The following PPME1 variants were observed in gnomAD, a reference collection of about 807,000 sequenced individuals.
The protein encoded by PPME1 is protein phosphatase methylesterase 1, also known as testicular secretory protein Li 39.
A neutral mutation model predicts 56.9 loss-of-function variants in PPME1; 17 were observed. That is an observed-to-expected ratio of 0.30 (90% CI 0.20 to 0.45). The LOEUF (loss-of-function observed/expected upper bound fraction) is 0.45, where lower values mean the gene tolerates loss of function less well. Ranked by LOEUF, PPME1 falls within the 20% of genes least tolerant of loss-of-function variation. PPME1 has a pLI of 1.00. For missense variants in PPME1, 357 were observed against 483.2 expected, an observed-to-expected ratio of 0.74 and a Z score of 2.45; for synonymous variants, 122 against 156.2, an observed-to-expected ratio of 0.78 and a Z score of 1.63.
intron 11 of PPME1, chr11:74,248,712 A>G (rs1565397252): frequency 6.6e-6 from 1 of 152,234 alleles, no homozygotes; most frequent in Non-Finnish European, 1.5e-5. Context: ...ATGAAATTGA[A>G]TCTAAGACAC....
At chr11:74,222,928 A>C (rs1227671404) in intron 4 of PPME1, among the ~76,000 whole-genome samples, 1 of 149,950 alleles carries the variant, frequency 6.7e-6, no homozygotes, top group Non-Finnish European at 1.5e-5. Flanking sequence ...TTAAAGTCAA[A>C]TTCTTTTTTT....
chr11:74,246,237 C>T, intron 10 of PPME1, 32 bp downstream of exon 10: 1 of 1,519,352 alleles, frequency 6.6e-7, no homozygotes, highest in Non-Finnish European at 8.9e-7. Flanking sequence ...TTAGTCAGCT[C>T]AGGCTGCCAT....
intron 5 of PPME1, among the ~76,000 whole-genome samples, chr11:74,227,496 G>T (rs1858961433): frequency 6.6e-6 from 1 of 151,746 alleles, no homozygotes; most frequent in Non-Finnish European, 1.5e-5. Context: ...CCTCAAAATG[G>T]GCATACTTAT....
At chr11:74,217,083 A>G (rs1858666533) in intron 3 of PPME1, among the ~76,000 whole-genome samples, 1 of 152,224 alleles carries the variant, frequency 6.6e-6, no homozygotes, top group African/African-American at 2.4e-5. Context: ...ATTCTGAAAA[A>G]TAGAGGAGGA....
chr11:74,175,781 C>G (rs1332551256), intron 1 of PPME1, among the ~76,000 whole-genome samples: 6 of 152,154 alleles, frequency 3.9e-5, no homozygotes, highest in Non-Finnish European at 8.8e-5. Context: ...ATGAGGTAAA[C>G]TAGGGCAGGA....
chr11:74,215,603 G>A (rs531266336), intron 3 of PPME1, among the ~76,000 whole-genome samples: 1 of 152,100 alleles, frequency 6.6e-6, no homozygotes, highest in African/African-American at 2.4e-5. Context: ...AGACAGGAAA[G>A]AAGAGAAGAC....
intron 1 of PPME1, among the ~76,000 whole-genome samples, chr11:74,196,369 G>A (rs995075272): frequency 6.6e-6 from 1 of 152,088 alleles, no homozygotes; most frequent in Non-Finnish European, 1.5e-5. Context: ...ACTTCTCAGA[G>A]TTTTATAGTT....
chr11:74,222,210 C>A, intron 3 of PPME1, 102 bp from the exon 4 acceptor site: 1 of 853,190 alleles, frequency 1.2e-6, no homozygotes, highest in East Asian at 2.5e-5. Flanking sequence ...CTCTTGGGTC[C>A]TTTGAATTTT....
At chr11:74,190,007 A>G (rs558091041) in intron 1 of PPME1, among the ~76,000 whole-genome samples, 1 of 152,346 alleles carries the variant, frequency 6.6e-6, no homozygotes, top group African/African-American at 2.4e-5. Flanking sequence ...ACTGCTGCAA[A>G]ATCTGAAACT....
chr11:74,208,289 C>T (rs10898964), intron 3 of PPME1, among the ~76,000 whole-genome samples: 26,470 of 147,992 alleles, frequency 0.18, 2,517 homozygotes, highest in East Asian at 0.29. Context: ...TCCATGCTGG[C>T]GACAGAGTGA....
intron 1 of PPME1, among the ~76,000 whole-genome samples, chr11:74,177,509 A>G (rs1271756502): frequency 6.6e-6 from 1 of 152,058 alleles, no homozygotes; most frequent in Non-Finnish European, 1.5e-5. Context: ...TCATATGCCA[A>G]ATTTCTATAT....
intron 12 of PPME1, chr11:74,251,387 C>A: frequency 7.3e-7 from 1 of 1,362,806 alleles, no homozygotes; most frequent in Non-Finnish European, 9.4e-7. Context: ...TGAGAAAACA[C>A]CATTCTGTAA....
At chr11:74,253,466 T>C in intron 13 of PPME1, 26 bp from the exon 14 acceptor site, 1 of 1,599,044 alleles carries the variant, frequency 6.3e-7, no homozygotes, top group Non-Finnish European at 8.6e-7. Flanking sequence ...ACATTTGTTT[T>C]TCCTTCTCTT....
In PPME1 at chr11:74,230,955, G is replaced by T. The variant is rs1859049810; in HGVS notation, c.597G>T (p.Arg199=). The part of the protein sequence containing the change: ...DALNSMQNFL[R]GRPKTFKSLE... ...TTAATAGCATGCAGAATTTCTTACG[G>T]GGTCGTCCTAAAACCTTCAAGTCTC... The change falls in exon 7 of 14, where the codon CGG becomes CGT. Residue 199 remains arginine (R), a synonymous_variant. Coordinates refer to ENST00000328257, the MANE Select transcript of PPME1 (RefSeq NM_016147.3). The surrounding 1 kb of genome is among the most constrained non-coding windows in gnomAD (Gnocchi z 4.9). The T allele has an allele frequency of 1.2e-6, 2 of 1,605,334 alleles. No individual in the cohort carries two copies. Among genetic ancestry groups the T allele is most frequent in the South Asian group, 1.1e-5 (1 of 88,942 alleles).
In PPME1 at chr11:74,204,452, AG is replaced by A; in HGVS notation, c.288+9del. ...TTCTTGGGCTGTGTTCACGGTAAGT[AG>A]GTTGTTGATAGTACAAGTTAATGTT... On this transcript the variant is annotated splice_region_variant and intron_variant, in intron 3 of 13. Transcript: ENST00000328257. 6.2e-7 allele frequency: 1 copy of A among 1,602,078 alleles called. No homozygotes were observed. Among genetic ancestry groups the A allele is most frequent in the Non-Finnish European group, 8.5e-7 (1 of 1,169,882 alleles).
chr11:74,204,544 C>T, intron 3 of PPME1, 99 bp downstream of exon 3: 2 of 1,024,784 alleles, frequency 2.0e-6, no homozygotes, highest in Non-Finnish European at 2.9e-6. Flanking sequence ...ATTTGGGAAG[C>T]AGGAATTGCT....
chr11:74,230,843 G>A lies in PPME1; in HGVS notation c.554-69G>A, dbSNP rs1859047136. The A allele has an allele frequency of 2.6e-6, 3 of 1,147,966 alleles. No individual in the cohort carries two copies. The highest frequency in any genetic ancestry group is 1.5e-5 in the African/African-American group (1 of 65,252). 71.1% of individuals were successfully genotyped at this position (1,147,966 alleles called of 1,614,324 possible). ...TGTCATCAAGAGCAGATATATAGTA[G>A]TTGACTCAGTAAGTGTAAATGCTCA... is the stretch of plus-strand genomic sequence containing the variant. On this transcript the variant is annotated intron_variant, in intron 6 of 13. Transcript: ENST00000328257. This position sits in a 1 kb window ranked among gnomAD's most constrained non-coding sequence, Gnocchi z 4.9.
chr11:74,198,939 A>T (rs1423282067), intron 1 of PPME1: 2 of 152,240 alleles, frequency 1.3e-5, no homozygotes, highest in African/African-American at 2.4e-5. Flanking sequence ...GAAAAAGAAC[A>T]TATATTCCCC....
chr11:74,253,665 G>A lies in PPME1; in HGVS notation c.*155G>A, dbSNP rs911482829. 8 of 801,124 alleles carry A rather than the reference G, an allele frequency of 1.0e-5. No homozygotes were observed. The African/African-American group carries it at 1.2e-4, about 12-fold the overall frequency. 49.6% of individuals were successfully genotyped at this position (801,124 alleles called of 1,614,324 possible). A position where few individuals can be genotyped will look rare whatever the true frequency, so the allele number is the denominator to read the frequency against. On this transcript the variant is annotated 3_prime_UTR_variant, in exon 14 of 14. Coordinates refer to ENST00000328257, the MANE Select transcript of PPME1 (RefSeq NM_016147.3). ...CCCCGAGATGTACCAACCTTTTCAT[G>A]TATTCTGCCAAAAGCATTGTTTTCC...
Sources: gnomAD v4.1 joint callset for allele counts (sites outside exome capture counted in the v4.1 genomes callset) on GRCh38, gnomAD v4.1.1 for gene constraint, Gnocchi (gnomAD v3.1) non-coding constraint, MANE v1.5 for transcripts, NCBI Gene and HGNC (gene_info 2026-07-23, HGNC 2026-07-21) for gene names.